The following KIRREL3 variants were observed in gnomAD, a reference collection of about 807,000 sequenced individuals.
The protein encoded by KIRREL3 is kin of IRRE-like protein 3.
In KIRREL3, 36 loss-of-function variants were observed where a neutral mutation model predicts 89.7. That is an observed-to-expected ratio of 0.40 (90% confidence interval 0.31 to 0.53). The LOEUF (loss-of-function observed/expected upper bound fraction) is 0.53, where lower values mean the gene tolerates loss of function less well. Among genes scored for constraint, KIRREL3 ranks in the 20% least tolerant of loss-of-function variants. KIRREL3 has a pLI of 0.49. For missense variants in KIRREL3, 864 were observed against 1,056.6 expected, an observed-to-expected ratio of 0.82 and a Z score of 2.53; for synonymous variants, 445 against 441.4, an observed-to-expected ratio of 1.01 and a Z score of -0.10.
chr11:126,441,140 C>T lies in KIRREL3; in HGVS notation c.1253-591G>A, dbSNP rs1375471930. 2.6e-5 allele frequency among the ~76,000 whole-genome samples: 4 copies of T among 152,254 alleles called. No homozygotes were observed. The highest frequency in any genetic ancestry group is 4.4e-5 in the Non-Finnish European group (3 of 68,048). On this transcript the variant is annotated intron_variant, in intron 10 of 16. Coordinates refer to ENST00000525144, the MANE Select transcript of KIRREL3 (RefSeq NM_032531.4). The surrounding 1 kb of genome is among the most constrained non-coding windows in gnomAD (Gnocchi z 5.0). Reference sequence around the variant, plus strand: ...GGAATGCATGCGCTGGCCGTGTTCACAGCCCTCCTCCCACCTGTGTCTCAG... The same window carrying T: ...GGAATGCATGCGCTGGCCGTGTTCATAGCCCTCCTCCCACCTGTGTCTCAG...
Position 126,755,390 on chromosome 11 carries a change from G to A in KIRREL3, c.56-192478C>T, listed in dbSNP as rs1432318396. Reference sequence around the variant, plus strand: ...GTTTAAAAAGATAGGGAACATGACAGGAAAAGAACCCAGCTTCATGAAGAA... The same window carrying A: ...GTTTAAAAAGATAGGGAACATGACAAGAAAAGAACCCAGCTTCATGAAGAA... On this transcript the variant is annotated intron_variant, in intron 1 of 16. Transcript: ENST00000525144. The surrounding 1 kb of genome is among the most constrained non-coding windows in gnomAD (Gnocchi z 4.3). Among the ~76,000 whole-genome samples, 1 of 152,080 alleles carries A rather than the reference G, an allele frequency of 6.6e-6. No individual in the cohort carries two copies. Among genetic ancestry groups the A allele is most frequent in the Non-Finnish European group, 1.5e-5 (1 of 68,008 alleles).
At position 126,860,121 on chromosome 11, in the gene KIRREL3, G is replaced by A. The variant is rs1944657849; in HGVS notation, c.55+140334C>T. On this transcript the variant is annotated intron_variant, in intron 1 of 16. Coordinates refer to ENST00000525144, the MANE Select transcript of KIRREL3 (RefSeq NM_032531.4). The surrounding 1 kb of genome is among the most constrained non-coding windows in gnomAD (Gnocchi z 4.6). ...TTCAGGAAGGGAGTAAGGAGGATAAGGAGAGAAAGAGGGAGGATGATATTG... is the reference window on the plus strand; with the variant it reads ...TTCAGGAAGGGAGTAAGGAGGATAAAGAGAGAAAGAGGGAGGATGATATTG... Among the ~76,000 whole-genome samples, 1 of 152,148 alleles carries A rather than the reference G, an allele frequency of 6.6e-6. No homozygotes were observed. Among genetic ancestry groups the A allele is most frequent in the South Asian group, 2.1e-4 (1 of 4,822 alleles).
In KIRREL3 at chr11:126,492,789, C is replaced by G. The variant is rs377037276; in HGVS notation, c.434-19323G>C. Among the ~76,000 whole-genome samples the G allele has an allele frequency of 2.0e-5, 3 of 152,112 alleles. No individual in the cohort carries two copies. The highest frequency in any genetic ancestry group is 4.4e-5 in the Non-Finnish European group (3 of 68,016). On this transcript the variant is annotated intron_variant, in intron 4 of 16. Transcript: ENST00000525144. The surrounding 1 kb of genome is among the most constrained non-coding windows in gnomAD (Gnocchi z 4.8). ...GGGAGGACTGGCTTCTTACCTGCCC[C>G]GAGACCCAGCTCTTTCCTCCTCTTG...
chr11:126,790,024 T>C (rs7130816), intron 1 of KIRREL3, among the ~76,000 whole-genome samples: 1,835 of 152,302 alleles, frequency 0.012, 35 homozygotes, highest in African/African-American at 0.041. Flanking sequence ...CTCATTATTC[T>C]CCCCACACCA....
Position 126,651,954 on chromosome 11 carries a change from T to C in KIRREL3, c.56-89042A>G, listed in dbSNP as rs1475791997. 1.3e-5 allele frequency among the ~76,000 whole-genome samples: 2 copies of C among 152,218 alleles called. No homozygotes were observed. Among genetic ancestry groups the C allele is most frequent in the Non-Finnish European group, 2.9e-5 (2 of 68,044 alleles). ...ATGGGAAGTCCCTAATGAAAGTTTC[T>C]GAATTCAGATATTTAAATGATGGTA... On this transcript the variant is annotated intron_variant, in intron 1 of 16. Coordinates refer to ENST00000525144, the MANE Select transcript of KIRREL3 (RefSeq NM_032531.4). This position sits in a 1 kb window ranked among gnomAD's most constrained non-coding sequence, Gnocchi z 4.6.
At chr11:126,426,561 T>G (rs1341287752) in intron 15 of KIRREL3, among the ~76,000 whole-genome samples, 1 of 152,130 alleles carries the variant, frequency 6.6e-6, no homozygotes, top group East Asian at 1.9e-4. Context: ...TTACTGAAAA[T>G]TAACAAAATT....
At position 126,983,400 on chromosome 11, in the gene KIRREL3, G is replaced by A. The variant is rs143263301; in HGVS notation, c.55+17055C>T. ...TCTTGCGGTAGACAGAATAATGGCC[G>A]CCAAAGATGCCCATGTCCTAATCCC... On this transcript the variant is annotated intron_variant, in intron 1 of 16. Transcript: ENST00000525144. The surrounding 1 kb of genome is among the most constrained non-coding windows in gnomAD (Gnocchi z 4.9). 3.2e-4 allele frequency among the ~76,000 whole-genome samples: 48 copies of A among 152,248 alleles called. No homozygotes were observed. The highest frequency in any genetic ancestry group is 2.9e-3 in the East Asian group (15 of 5,182).
In KIRREL3 at chr11:126,904,613, A is replaced by G. The variant is rs904866547; in HGVS notation, c.55+95842T>C. On this transcript the variant is annotated intron_variant, in intron 1 of 16. Coordinates refer to ENST00000525144, the MANE Select transcript of KIRREL3 (RefSeq NM_032531.4). This position sits in a 1 kb window ranked among gnomAD's most constrained non-coding sequence, Gnocchi z 4.4. The stretch of plus-strand genomic sequence containing the variant: ...AATACATGTTTTTGACATCAGGAAA[A>G]GAAATAATCTGTCTTACAAGGCTGT... 3.3e-5 allele frequency among the ~76,000 whole-genome samples: 5 copies of G among 152,248 alleles called. 1 individual carries two copies. Among genetic ancestry groups the G allele is most frequent in the Admixed American group, 2.6e-4 (4 of 15,290 alleles).
rs1384687269 is a variant in KIRREL3 at position 126,778,774 on chromosome 11, T to C, written c.56-215862A>G. 6.6e-6 allele frequency among the ~76,000 whole-genome samples: 1 copy of C among 152,222 alleles called. No homozygotes were observed. Among genetic ancestry groups the C allele is most frequent in the Non-Finnish European group, 1.5e-5 (1 of 68,032 alleles). Reference sequence around the variant, plus strand: ...AACAAAAGCTATCATGCAGGGCCCATGTAAACACCAAGATAAGCTATTTCC... The same window carrying C: ...AACAAAAGCTATCATGCAGGGCCCACGTAAACACCAAGATAAGCTATTTCC... On this transcript the variant is annotated intron_variant, in intron 1 of 16. Coordinates refer to ENST00000525144, the MANE Select transcript of KIRREL3 (RefSeq NM_032531.4). This position sits in a 1 kb window ranked among gnomAD's most constrained non-coding sequence, Gnocchi z 4.5.
intron 1 of KIRREL3, among the ~76,000 whole-genome samples, chr11:126,866,313 G>A (rs967546931): frequency 3.9e-5 from 6 of 152,338 alleles, no homozygotes; most frequent in Admixed American, 3.9e-4. Context: ...CAGGCAGGGA[G>A]GGCTGCCTTC....
In KIRREL3 at chr11:126,985,921, C is replaced by A. The variant is rs756076196; in HGVS notation, c.55+14534G>T. Among the ~76,000 whole-genome samples, 1 of 152,170 alleles carries A rather than the reference C, an allele frequency of 6.6e-6. No individual in the cohort carries two copies. The highest frequency in any genetic ancestry group is 1.5e-5 in the Non-Finnish European group (1 of 68,038). On this transcript the variant is annotated intron_variant, in intron 1 of 16. Transcript: ENST00000525144. The surrounding 1 kb of genome is among the most constrained non-coding windows in gnomAD (Gnocchi z 5.3). ...GAGAGTTAAAGCTGTTGTTTCTGGA[C>A]ACTATATAGCCTAGTGATCTCCTGA...
chr11:126,604,461 C>T (rs1359662674), intron 1 of KIRREL3, among the ~76,000 whole-genome samples: 3 of 152,246 alleles, frequency 2.0e-5, no homozygotes, highest in Non-Finnish European at 4.4e-5. Context: ...TATACCATAT[C>T]TCATTTAGTC....
At chr11:126,770,672 G>T (rs187029397) in intron 1 of KIRREL3, among the ~76,000 whole-genome samples, 208 of 152,202 alleles carry the variant, frequency 1.4e-3, no homozygotes, top group African/African-American at 4.6e-3. Context: ...ACTCCAGTCT[G>T]TGACCCTCAG....
chr11:126,952,811 A>G (rs1473451395), intron 1 of KIRREL3, among the ~76,000 whole-genome samples: 3 of 152,234 alleles, frequency 2.0e-5, no homozygotes, highest in Non-Finnish European at 4.4e-5. Flanking sequence ...TAGAATGGTG[A>G]TCATCAAAAA....
chr11:126,497,937 T>G (rs936169423), intron 4 of KIRREL3, among the ~76,000 whole-genome samples: 10 of 151,634 alleles, frequency 6.6e-5, no homozygotes, highest in Non-Finnish European at 1.3e-4. Context: ...AGAGAGTTTG[T>G]GGGCCCCCGT....
rs1272025800 is a variant in KIRREL3, at chr11:126,807,680, C to A, written c.55+192775G>T. Among the ~76,000 whole-genome samples, 1 of 152,112 alleles carries A rather than the reference C, an allele frequency of 6.6e-6. No individual in the cohort carries two copies. Among genetic ancestry groups the A allele is most frequent in the Non-Finnish European group, 1.5e-5 (1 of 68,002 alleles). On this transcript the variant is annotated intron_variant, in intron 1 of 16. Transcript: ENST00000525144. This position sits in a 1 kb window ranked among gnomAD's most constrained non-coding sequence, Gnocchi z 4.3. ...CTGGAGTGCTTTTCCCCTTACCATT[C>A]ACCTGGATTTTGAAAAATCGTCCTT...
chr11:126,453,943 G>A (rs1591564102), intron 7 of KIRREL3, among the ~76,000 whole-genome samples: 1 of 152,184 alleles, frequency 6.6e-6, no homozygotes, highest in East Asian at 1.9e-4. Context: ...GAGCTCCAGG[G>A]GAGTACGAAA....
rs999858044 is a variant in KIRREL3 at position 126,797,931 on chromosome 11, A to C, written c.55+202524T>G. 1.3e-5 allele frequency among the ~76,000 whole-genome samples: 2 copies of C among 152,220 alleles called. No individual in the cohort carries two copies. Among genetic ancestry groups the C allele is most frequent in the Admixed American group, 6.5e-5 (1 of 15,282 alleles). The stretch of plus-strand genomic sequence containing the variant: ...ATGCTGATCCTGAGGGCCTATGGAC[A>C]CTGCAAAGTAACACATGGGCTGTTT... On this transcript the variant is annotated intron_variant, in intron 1 of 16. Transcript: ENST00000525144. This position sits in a 1 kb window ranked among gnomAD's most constrained non-coding sequence, Gnocchi z 4.9.
At chr11:126,487,862 C>T (rs966667168) in intron 4 of KIRREL3, among the ~76,000 whole-genome samples, 7 of 152,210 alleles carry the variant, frequency 4.6e-5, no homozygotes, top group African/African-American at 1.7e-4. Flanking sequence ...GGGAGTTGGC[C>T]GCCCCGCACT....
Sources: gnomAD v4.1 joint callset for allele counts (sites outside exome capture counted in the v4.1 genomes callset) on GRCh38, gnomAD v4.1.1 for gene constraint, Gnocchi (gnomAD v3.1) non-coding constraint, MANE v1.5 for transcripts, NCBI Gene and HGNC (gene_info 2026-07-23, HGNC 2026-07-21) for gene names.